The following ZNF90 variants were observed in gnomAD, a reference collection of about 807,000 sequenced individuals.
The protein encoded by ZNF90 is zinc finger protein 90.
A neutral mutation model predicts 12.0 loss-of-function variants in ZNF90; 11 were observed. The observed-to-expected ratio is 0.92, with a 90% confidence interval of 0.58 to 1.52. The LOEUF is 1.52. Ranked by LOEUF, ZNF90 falls within the 40% of genes most tolerant of loss-of-function variation. The pLI is 0.00. For missense variants in ZNF90, 765 were observed against 711.5 expected, an observed-to-expected ratio of 1.08 and a Z score of -0.86; for synonymous variants, 232 against 240.1, an observed-to-expected ratio of 0.97 and a Z score of 0.31.
At chr19:20,117,397 C>CCT (rs2089148258) in intron 3 of ZNF90, among the ~76,000 whole-genome samples, 2 of 91,400 alleles carry the variant, frequency 2.2e-5, no homozygotes, top group South Asian at 3.5e-4. Context: ...CTTTTCTTTT[C>CCT]TCCTTCCTTC....
rs1027700641 is a variant in ZNF90 at position 20,078,431 on chromosome 19, G to C, written c.3+296G>C. On this transcript the variant is annotated intron_variant, in intron 1 of 3. Coordinates refer to ENST00000418063, the MANE Select transcript of ZNF90 (RefSeq NM_007138.2). ...GCAGGGAGCACGGGAGGGTTCTCGG[G>C]GGAGAATCCTGACTCGGGGTGCAGG... Among the ~76,000 whole-genome samples the C allele has an allele frequency of 4.3e-4, 66 of 152,162 alleles. 1 individual carries two copies. The highest frequency in any genetic ancestry group is 1.6e-3 in the African/African-American group (65 of 41,520).
chr19:20,109,747 G>T (rs1555704855), intron 3 of ZNF90, among the ~76,000 whole-genome samples: 1 of 151,866 alleles, frequency 6.6e-6, no homozygotes, highest in African/African-American at 2.4e-5. Flanking sequence ...GCATGGTGGT[G>T]TGCAGCTGTG....
At chr19:20,081,929 T>C (rs1456100664) in intron 1 of ZNF90, among the ~76,000 whole-genome samples, 1 of 151,958 alleles carries the variant, frequency 6.6e-6, no homozygotes, top group Non-Finnish European at 1.5e-5. Flanking sequence ...TACCCCCGGC[T>C]AATTTTTTGT....
rs149802515 is a variant in ZNF90 at position 20,081,891 on chromosome 19, A to T, written c.3+3756A>T. ...ACTATTCTCCTGCCTCAGCCTGCTG[A>T]GCAGCTGGGACTACAGGCACGTGCC... On this transcript the variant is annotated intron_variant, in intron 1 of 3. Coordinates refer to ENST00000418063, the MANE Select transcript of ZNF90 (RefSeq NM_007138.2). 4.0e-3 allele frequency among the ~76,000 whole-genome samples: 600 copies of T among 151,142 alleles called. 5 individuals carry two copies. The highest frequency in any genetic ancestry group is 0.017 in the Middle Eastern group (5 of 290).
intron 1 of ZNF90, among the ~76,000 whole-genome samples, chr19:20,096,720 TG>T (rs2088949990): frequency 6.6e-6 from 1 of 152,206 alleles, no homozygotes; most frequent in African/African-American, 2.4e-5. Flanking sequence ...TCAGACCATC[TG>T]GGCATATACG....
At chr19:20,110,310 G>A (rs978331635) in intron 3 of ZNF90, among the ~76,000 whole-genome samples, 17 of 151,980 alleles carry the variant, frequency 1.1e-4, no homozygotes, top group African/African-American at 3.1e-4. Context: ...ATGGAGTCTT[G>A]CTCTGTTGCC....
At chr19:20,094,698 C>G (rs2088929024) in intron 1 of ZNF90, among the ~76,000 whole-genome samples, 1 of 152,238 alleles carries the variant, frequency 6.6e-6, no homozygotes, top group South Asian at 2.1e-4. Flanking sequence ...CTTTCCCATT[C>G]ATCTGGGGAG....
At chr19:20,092,923 G>T (rs530291609) in intron 1 of ZNF90, among the ~76,000 whole-genome samples, 14 of 152,280 alleles carry the variant, frequency 9.2e-5, no homozygotes, top group African/African-American at 3.4e-4. Flanking sequence ...AAGCGGAGGG[G>T]TGGAAGGAAA....
chr19:20,115,398 G>T (rs1599654913), intron 3 of ZNF90, among the ~76,000 whole-genome samples: 1 of 145,542 alleles, frequency 6.9e-6, no homozygotes, highest in African/African-American at 2.6e-5. Context: ...TTGTATCTTT[G>T]TCTCTCATTT....
chr19:20,116,708 G>C (rs2089139779), intron 3 of ZNF90, among the ~76,000 whole-genome samples: 1 of 152,058 alleles, frequency 6.6e-6, no homozygotes, highest in Non-Finnish European at 1.5e-5. Flanking sequence ...ATGTTCTTAG[G>C]ATGTGTCTTG....
At chr19:20,081,842 G>A (rs192097814) in intron 1 of ZNF90, among the ~76,000 whole-genome samples, 2 of 149,716 alleles carry the variant, frequency 1.3e-5, no homozygotes, top group East Asian at 4.0e-4. Flanking sequence ...TCGGCTCACT[G>A]CAAGGTCTGC....
intron 1 of ZNF90, among the ~76,000 whole-genome samples, chr19:20,098,908 G>C (rs1245439685): frequency 1.3e-5 from 2 of 152,128 alleles, no homozygotes; most frequent in Non-Finnish European, 2.9e-5. Flanking sequence ...GATAAACACG[G>C]AGATCTGGAG....
intron 3 of ZNF90, chr19:20,107,025 G>T: frequency 2.2e-6 from 1 of 454,420 alleles, no homozygotes; most frequent in Non-Finnish European, 4.4e-6. Context: ...CATATGGTGG[G>T]CCTTGTATCA....
intron 1 of ZNF90, among the ~76,000 whole-genome samples, chr19:20,090,502 G>T (rs2088893811): frequency 6.6e-6 from 1 of 152,176 alleles, no homozygotes; most frequent in Admixed American, 6.5e-5. Flanking sequence ...CAGTGGGGAG[G>T]ATCCTGCAGG....
At chr19:20,117,384 T>G (rs1432448149) in intron 3 of ZNF90, among the ~76,000 whole-genome samples, 2 of 128,884 alleles carry the variant, frequency 1.6e-5, no homozygotes, top group Non-Finnish European at 3.2e-5. Flanking sequence ...TTTCCTTTCT[T>G]TTCTTTTCTT....
intron 3 of ZNF90, among the ~76,000 whole-genome samples, chr19:20,109,884 G>T (rs1199064432): frequency 6.6e-6 from 1 of 151,924 alleles, no homozygotes; most frequent in Non-Finnish European, 1.5e-5. Context: ...TTATGCAAAA[G>T]ACTTCTAGAA....
intron 1 of ZNF90, among the ~76,000 whole-genome samples, chr19:20,095,947 A>G (rs1555703224): frequency 6.6e-6 from 1 of 152,226 alleles, no homozygotes; most frequent in Non-Finnish European, 1.5e-5. Context: ...ACGTGAGTGT[A>G]TAATCAGAGA....
chr19:20,114,239 C>T (rs1161476066), intron 3 of ZNF90, among the ~76,000 whole-genome samples: 1 of 152,234 alleles, frequency 6.6e-6, no homozygotes, highest in East Asian at 1.9e-4. Context: ...TGCAGTGAAC[C>T]GATATTGTGC....
At position 20,085,878 on chromosome 19, in the gene ZNF90, C is replaced by T. The variant is rs141431512; in HGVS notation, c.3+7743C>T. Among the ~76,000 whole-genome samples, 254 of 152,054 alleles carry T rather than the reference C, an allele frequency of 1.7e-3. 5 individuals carry two copies. The East Asian group carries it at 0.02, about 12-fold the overall frequency. The stretch of plus-strand genomic sequence containing the variant: ...CAGATTTATTACTTTGTTTTTGCTT[C>T]CAAAATGTTTATTTTTTTCATTTTT... On this transcript the variant is annotated intron_variant, in intron 1 of 3. Coordinates refer to ENST00000418063, the MANE Select transcript of ZNF90 (RefSeq NM_007138.2).
Sources: gnomAD v4.1 joint callset for allele counts (sites outside exome capture counted in the v4.1 genomes callset) on GRCh38, gnomAD v4.1.1 for gene constraint, MANE v1.5 for transcripts, NCBI Gene and HGNC (gene_info 2026-07-23, HGNC 2026-07-21) for gene names.